The following MYO3B variants were observed in gnomAD, a reference collection of about 807,000 sequenced individuals.
MYO3B encodes the protein myosin IIIB.
Under a neutral mutation model 174.6 loss-of-function variants are expected in MYO3B, and 156 were observed. That is an observed-to-expected ratio of 0.89 (90% CI 0.78 to 1.02). The LOEUF (loss-of-function observed/expected upper bound fraction) is 1.02. MYO3B is among the 50% of genes least tolerant of loss of function. The pLI, the probability that MYO3B is intolerant of heterozygous loss-of-function variation, is 0.00. For synonymous variants in MYO3B, 563 were observed against 569.1 expected (o/e 0.99, Z 0.15); for missense variants, 1,632 against 1,639.4 (o/e 1.00, Z 0.08).
chr2:170,524,403 A>T (rs1028862291), intron 30 of MYO3B: 5 of 387,112 alleles, frequency 1.3e-5, no homozygotes, highest in Non-Finnish European at 2.5e-5. Flanking sequence ...TGGGCTTTGA[A>T]TTCAGATCTT....
intron 3 of MYO3B, among the ~76,000 whole-genome samples, chr2:170,213,904 A>T (rs1368638281): frequency 6.6e-6 from 1 of 152,178 alleles, no homozygotes; most frequent in Non-Finnish European, 1.5e-5. Flanking sequence ...CACTGGAGAA[A>T]TCACTGAAAT....
At chr2:170,378,657 A>G (rs1465797003) in intron 9 of MYO3B, among the ~76,000 whole-genome samples, 3 of 152,228 alleles carry the variant, frequency 2.0e-5, no homozygotes, top group African/African-American at 7.2e-5. Flanking sequence ...CTCAGAAGAT[A>G]CCAATGTTGA....
At chr2:170,257,417 A>G (rs143607416) in intron 7 of MYO3B, among the ~76,000 whole-genome samples, 304 of 152,288 alleles carry the variant, frequency 2.0e-3, no homozygotes, top group Non-Finnish European at 3.0e-3. Context: ...AAAAATTGAA[A>G]TCAATACCAA....
chr2:170,440,489 T>G (rs1486585831), intron 22 of MYO3B, among the ~76,000 whole-genome samples: 2 of 152,200 alleles, frequency 1.3e-5, no homozygotes, highest in Admixed American at 6.5e-5. Context: ...GTAAAAGTCT[T>G]TTGCCTCCTT....
chr2:170,202,146 G>C (rs1273818829), intron 3 of MYO3B, among the ~76,000 whole-genome samples: 1 of 152,170 alleles, frequency 6.6e-6, no homozygotes, highest in African/African-American at 2.4e-5. Flanking sequence ...AGATGAGAAA[G>C]AGCCCAGAAC....
chr2:170,388,338 G>A (rs1235514629), intron 14 of MYO3B, among the ~76,000 whole-genome samples: 1 of 152,126 alleles, frequency 6.6e-6, no homozygotes, highest in Admixed American at 6.6e-5. Context: ...AAGCAAAGTA[G>A]GTGCTATTAA....
At chr2:170,457,212 T>TTA (rs1360126090) in intron 23 of MYO3B, among the ~76,000 whole-genome samples, 2 of 152,202 alleles carry the variant, frequency 1.3e-5, no homozygotes, top group African/African-American at 4.8e-5. Context: ...CCTGTAGACT[T>TTA]TATAAATAAT....
At position 170,367,440 on chromosome 2, in the gene MYO3B, C is replaced by T. The variant is rs578144360; in HGVS notation, c.816-1782C>T. ...CTTCAGATCCAGCAGTTCCTGGACT[C>T]CCATCCTACCCGTTCCCTCTGAGGT... On this transcript the variant is annotated intron_variant, in intron 8 of 34. Transcript: ENST00000408978. 3.1e-4 allele frequency among the ~76,000 whole-genome samples: 47 copies of T among 152,296 alleles called. No individual in the cohort carries two copies. The South Asian group carries it at 9.3e-3, about 30-fold the overall frequency.
At chr2:170,352,893 A>G (rs2094087200) in intron 8 of MYO3B, among the ~76,000 whole-genome samples, 1 of 152,244 alleles carries the variant, frequency 6.6e-6, no homozygotes, top group African/African-American at 2.4e-5. Flanking sequence ...CAAAATCTGG[A>G]ACACTGACAA....
intron 17 of MYO3B, among the ~76,000 whole-genome samples, chr2:170,400,646 A>ACCC (rs10590784): frequency 7.5e-5 from 10 of 133,872 alleles, no homozygotes; most frequent in East Asian, 2.6e-4. Flanking sequence ...CTCATGATCC[A>ACCC]CCCCCCCCCC....
At chr2:170,405,704 C>A in intron 21 of MYO3B, 71 bp downstream of exon 21, 2 of 1,193,082 alleles carry the variant, frequency 1.7e-6, no homozygotes, top group Non-Finnish European at 2.5e-6. Flanking sequence ...CCTGTCTGTG[C>A]TGCTCATGAA....
At chr2:170,402,643 A>AG (rs1216654640) in intron 18 of MYO3B, among the ~76,000 whole-genome samples, 1 of 152,104 alleles carries the variant, frequency 6.6e-6, no homozygotes, top group Non-Finnish European at 1.5e-5. Context: ...GAAAAAAAAA[A>AG]GAAGTTGAAA....
rs563212508 is a variant in MYO3B at position 170,544,841 on chromosome 2, G to A, written c.3733+853G>A. ...TGGACATGTAGTAAATGATAAACCC[G>A]ACAAAGGAAATATTTTCCTCATAGG... On this transcript the variant is annotated intron_variant, in intron 32 of 34. Transcript: ENST00000408978. Among the ~76,000 whole-genome samples the A allele has an allele frequency of 1.2e-4, 18 of 152,184 alleles. No homozygotes were observed. In the South Asian group the frequency reaches 2.1e-3, roughly 18 times the overall value.
Position 170,636,521 on chromosome 2 carries a change from T to C in MYO3B, c.3734-15107T>C, listed in dbSNP as rs536331215. Among the ~76,000 whole-genome samples the C allele has an allele frequency of 2.7e-3, 410 of 152,120 alleles. 2 individuals carry two copies. Among genetic ancestry groups the C allele is most frequent in the Non-Finnish European group, 4.1e-3 (279 of 67,988 alleles). On this transcript the variant is annotated intron_variant, in intron 32 of 34. Coordinates refer to ENST00000408978, the MANE Select transcript of MYO3B (RefSeq NM_138995.5). ...TTTAATGCTGGTCCTTGATTGCTAA[T>C]GACCCCTGGCTGGACTGGCTTCTCA...
chr2:170,465,615 A>C (rs1160177500), intron 24 of MYO3B, among the ~76,000 whole-genome samples: 1 of 152,182 alleles, frequency 6.6e-6, no homozygotes, highest in Admixed American at 6.5e-5. Context: ...TTACTCTGTG[A>C]AGTGATCCTC....
chr2:170,399,324 A>C (rs1157679146), intron 16 of MYO3B, among the ~76,000 whole-genome samples: 2 of 149,308 alleles, frequency 1.3e-5, no homozygotes, highest in Non-Finnish European at 3.0e-5. Context: ...AAATACCAAA[A>C]AGAGCTGAGT....
chr2:170,554,477 C>T (rs1341548441), intron 32 of MYO3B, among the ~76,000 whole-genome samples: 1 of 152,126 alleles, frequency 6.6e-6, no homozygotes, highest in African/African-American at 2.4e-5. Flanking sequence ...GGGAAAGTGG[C>T]CACAGATGTG....
intron 8 of MYO3B, among the ~76,000 whole-genome samples, chr2:170,358,162 A>C (rs1372276380): frequency 2.0e-5 from 3 of 152,118 alleles, no homozygotes; most frequent in Non-Finnish European, 2.9e-5. Context: ...CAAAAAAAAA[A>C]ACAAAAAAAC....
intron 25 of MYO3B, among the ~76,000 whole-genome samples, chr2:170,489,634 G>GGGGTGTGTGTGTGTGTGTGTGT (rs1553507396): frequency 7.2e-6 from 1 of 139,322 alleles, no homozygotes; most frequent in Non-Finnish European, 1.5e-5. Context: ...AACCAGTAGG[G>GGGGTGTGTGTGTGTGTGTGTGT]GTGTGTGTGT....
Sources: allele counts gnomAD v4.1 joint callset (sites outside exome capture counted in the v4.1 genomes callset), GRCh38; gene constraint gnomAD v4.1.1; transcripts MANE v1.5; gene names NCBI Gene and HGNC (gene_info 2026-07-23, HGNC 2026-07-21).